Variants in SKA1 observed in about 807,000 individuals in gnomAD.
SKA1 encodes SKA complex subunit 1.
Under a neutral mutation model 31.8 loss-of-function variants are expected in SKA1, and 20 were observed. The ratio of observed to expected loss-of-function variants is 0.63; its 90% CI spans 0.44 to 0.91. The LOEUF is 0.91. Among genes scored for constraint, SKA1 ranks in the 40% least tolerant of loss-of-function variants. The probability of loss-of-function intolerance (pLI) is 0.00; values close to 1 mark genes in which losing one functional copy is unlikely to be tolerated. For synonymous variants in SKA1, 88 were observed against 100.5 expected (o/e 0.88, Z 0.74); for missense variants, 253 against 298.2 (o/e 0.85, Z 1.12).
chr18:50,389,737 T>C (rs567256786), intron 5 of SKA1, among the ~76,000 whole-genome samples: 28 of 152,318 alleles, frequency 1.8e-4, no homozygotes, highest in Non-Finnish European at 3.2e-4. Context: ...TGAAAACTGT[T>C]TGATGCTCTG....
In SKA1 at chr18:50,375,857, A is replaced by G. The variant is rs1185699697; in HGVS notation, c.27A>G (p.Leu9=). Residue 9 remains leucine, a synonymous_variant, in exon 2 of 7, where the codon TTA becomes TTG. Transcript: ENST00000285116. ...TGGCCTCGTCAGATCTGGAACAATT[A>G]TGCTCTCATGTTAATGAAAAGATTG... The part of the protein sequence containing the change: MASSDLEQ[L]CSHVNEKIGN... 1.2e-6 allele frequency: 2 copies of G among 1,611,438 alleles called. No individual in the cohort carries two copies. Among genetic ancestry groups the G allele is most frequent in the South Asian group, 1.1e-5 (1 of 90,414 alleles).
chr18:50,384,856 T>TA (rs371161517), intron 4 of SKA1, among the ~76,000 whole-genome samples: 2,153 of 61,428 alleles, frequency 0.035, 60 homozygotes, highest in Middle Eastern at 0.15. Flanking sequence ...TAGAGTATAA[T>TA]AAAAAAAAAA....
intron 6 of SKA1, among the ~76,000 whole-genome samples, chr18:50,391,521 C>T (rs1465741205): frequency 1.3e-5 from 2 of 152,118 alleles, no homozygotes; most frequent in Non-Finnish European, 2.9e-5. Flanking sequence ...CTATAACAGC[C>T]GGCAGTGCAC....
chr18:50,390,268 A>G (rs1222256566), intron 5 of SKA1, among the ~76,000 whole-genome samples: 2 of 152,238 alleles, frequency 1.3e-5, no homozygotes, highest in Non-Finnish European at 2.9e-5. Flanking sequence ...ATATCATTGT[A>G]TCAAGGAAGT....
intron 5 of SKA1, among the ~76,000 whole-genome samples, chr18:50,386,652 T>C (rs1183009166): frequency 1.3e-5 from 2 of 152,220 alleles, no homozygotes; most frequent in Non-Finnish European, 2.9e-5. Flanking sequence ...GTCATGTGTC[T>C]ACCATTACGG....
chr18:50,376,091 A>T (rs960621128), intron 2 of SKA1, among the ~76,000 whole-genome samples, 173 bp downstream of exon 2: 9 of 152,212 alleles, frequency 5.9e-5, no homozygotes, highest in Admixed American at 5.9e-4. Flanking sequence ...GGATACTAAA[A>T]ATGTAAGGTA....
In SKA1 at chr18:50,385,248, C is replaced by T; in HGVS notation, c.344C>T (p.Pro115Leu). The change falls in exon 5 of 7, where the codon CCA (proline) becomes CTA (leucine). Residue 115 changes from proline to leucine, a missense_variant. By Grantham distance (98) the Pro-to-Leu change is moderately conservative. Coordinates refer to ENST00000285116, the MANE Select transcript of SKA1 (RefSeq NM_145060.4). ...VKGSDLDPEE[P>L]IKVEEPEPVK... is the part of the protein sequence containing the mutation. ...GGATCAGATCTTGATCCTGAAGAAC[C>T]AATCAAAGTTGAAGAACCTGAACCC... The T allele has an allele frequency of 5.6e-6, 9 of 1,613,308 alleles. No individual in the cohort carries two copies. The highest frequency in any genetic ancestry group is 5.9e-6 in the Non-Finnish European group (7 of 1,179,642).
intron 5 of SKA1, among the ~76,000 whole-genome samples, chr18:50,386,937 A>G (rs2041313358): frequency 6.6e-6 from 1 of 152,218 alleles, no homozygotes; most frequent in African/African-American, 2.4e-5. Context: ...TATTGAAGCA[A>G]TCTTAGTTCC....
chr18:50,391,263 T>C lies in SKA1; in HGVS notation c.589T>C (p.Phe197Leu). The change falls in exon 6 of 7, where the codon TTT becomes CTT. Residue 197 changes from phenylalanine to leucine, a missense_variant. Physicochemically the swap from Phe to Leu is conservative, Grantham distance 22 (BLOSUM62 0). Coordinates refer to ENST00000285116, the MANE Select transcript of SKA1 (RefSeq NM_145060.4). ...TGTGACCAGAAATCTCTATCACAGA[T>C]TTATTGATGAAGAAACGAAGGATAC... The part of the protein sequence containing the change: ...NSVTRNLYHR[F>L]IDEETKDTKG... 6.2e-7 allele frequency: 1 copy of C among 1,600,750 alleles called. No homozygotes were observed. The highest frequency in any genetic ancestry group is 8.5e-7 in the Non-Finnish European group (1 of 1,176,578).
rs2041378319 is a variant in SKA1 at position 50,393,616 on chromosome 18, GTGATA to G, written c.*1371_*1375del. ...ATGTACATTGAGTTGATGTGATAAT[GTGATA>G]TAATAAGAAATATATATTTGATCTT... On this transcript the variant is annotated 3_prime_UTR_variant, in exon 7 of 7. Transcript: ENST00000285116. 1 of 152,180 alleles carries G rather than the reference GTGATA, an allele frequency of 6.6e-6. No individual in the cohort carries two copies. Among genetic ancestry groups the G allele is most frequent in the South Asian group, 2.1e-4 (1 of 4,834 alleles). 9.4% of individuals were successfully genotyped at this position (152,180 alleles called of 1,614,324 possible).
At chr18:50,379,028 C>A (rs1034562459) in intron 2 of SKA1, among the ~76,000 whole-genome samples, 1 of 152,160 alleles carries the variant, frequency 6.6e-6, no homozygotes, top group Non-Finnish European at 1.5e-5. Context: ...TGACTTCAGG[C>A]CTTCTACCTG....
intron 5 of SKA1, among the ~76,000 whole-genome samples, chr18:50,386,543 T>G (rs2041309335): frequency 6.6e-6 from 1 of 152,240 alleles, no homozygotes; most frequent in Non-Finnish European, 1.5e-5. Context: ...GTTACAGTTG[T>G]CAAACCAATA....
At position 50,382,131 on chromosome 18, in the gene SKA1, A is replaced by G; in HGVS notation, c.216A>G (p.Glu72=). 3 of 1,516,124 alleles carry G rather than the reference A, an allele frequency of 2.0e-6. No homozygotes were observed. The highest frequency in any genetic ancestry group is 2.7e-6 in the Non-Finnish European group (3 of 1,131,828). 93.9% of individuals were successfully genotyped at this position (1,516,124 alleles called of 1,614,324 possible). A position where few individuals can be genotyped will look rare whatever the true frequency, so the allele number is the denominator to read the frequency against. ...TTGTGAGCACTTTTAAATTTTAGGA[A>G]CTCTGTGAATCTCTTGAAGAAGATT... ...YQEQTNNSLK[E]LCESLEEDYK... is the part of the protein sequence containing the mutation. The change falls in exon 4 of 7, where the codon GAA becomes GAG. Residue 72 remains glutamate, a splice_region_variant and synonymous_variant. Coordinates refer to ENST00000285116, the MANE Select transcript of SKA1 (RefSeq NM_145060.4).
chr18:50,381,131 G>A (rs1186783049), intron 3 of SKA1, among the ~76,000 whole-genome samples: 3 of 152,206 alleles, frequency 2.0e-5, no homozygotes, highest in East Asian at 3.8e-4. Context: ...CCAGGGTTAG[G>A]TGTGGGCCTA....
intron 3 of SKA1, among the ~76,000 whole-genome samples, chr18:50,381,167 G>T (rs2041258915): frequency 6.6e-6 from 1 of 152,230 alleles, no homozygotes; most frequent in Non-Finnish European, 1.5e-5. Context: ...AGAACTGAAG[G>T]CTATTTGGAA....
chr18:50,382,350 C>A, intron 4 of SKA1, 124 bp downstream of exon 4: 1 of 543,178 alleles, frequency 1.8e-6, no homozygotes, highest in East Asian at 3.5e-5. Context: ...TTTTTGTCAC[C>A]TATACTAAAA....
intron 5 of SKA1, 60 bp from the exon 6 acceptor site, chr18:50,391,064 G>A: frequency 8.0e-7 from 1 of 1,249,624 alleles, no homozygotes; most frequent in South Asian, 1.7e-5. Flanking sequence ...TGTTTTTCAA[G>A]GAAAGTAATT....
At chr18:50,388,281 G>A (rs112216363) in intron 5 of SKA1, among the ~76,000 whole-genome samples, 3 of 151,976 alleles carry the variant, frequency 2.0e-5, no homozygotes, top group Admixed American at 6.6e-5. Flanking sequence ...TAGTAGAGAC[G>A]GGGTTTCACC....
In SKA1 at chr18:50,385,712, G is replaced by A. The variant is rs77856409; in HGVS notation, c.449+359G>A. ...ATGGACAGTGTTGTGTTTGGTTTCC[G>A]TTTGTGCATTGCACCCCGCACTTGT... On this transcript the variant is annotated intron_variant, in intron 5 of 6. Coordinates refer to ENST00000285116, the MANE Select transcript of SKA1 (RefSeq NM_145060.4). Among the ~76,000 whole-genome samples, 1,198 of 152,254 alleles carry A rather than the reference G, an allele frequency of 7.9e-3. 34 individuals carry two copies. The East Asian group carries it at 0.085, about 11-fold the overall frequency.
Sources: allele counts gnomAD v4.1 joint callset (sites outside exome capture counted in the v4.1 genomes callset), GRCh38; gene constraint gnomAD v4.1.1; transcripts MANE v1.5; gene names NCBI Gene and HGNC (gene_info 2026-07-23, HGNC 2026-07-21).